Variants in CEP128 observed in about 807,000 individuals in gnomAD.
The protein encoded by CEP128 is centrosomal protein 128.
CEP128 carries 132 observed loss-of-function variants against 156.7 expected under a neutral mutation model. The ratio of observed to expected loss-of-function variants is 0.84; its 90% confidence interval spans 0.73 to 0.97. The LOEUF (loss-of-function observed/expected upper bound fraction) is 0.97, where lower values mean the gene tolerates loss of function less well. CEP128 is among the 50% of genes least tolerant of loss of function. The probability of loss-of-function intolerance (pLI) is 0.00; values close to 1 mark genes in which losing one functional copy is unlikely to be tolerated. For missense variants in CEP128, 1,252 were observed against 1,281.9 expected (o/e 0.98, Z 0.36); for synonymous variants, 469 against 448.9 (o/e 1.04, Z -0.57).
chr14:80,669,821 T>C (rs557480690), intron 19 of CEP128, among the ~76,000 whole-genome samples: 1 of 152,312 alleles, frequency 6.6e-6, no homozygotes, highest in African/African-American at 2.4e-5. Context: ...CTGTATGCCA[T>C]TCTTGCATGG....
intron 19 of CEP128, among the ~76,000 whole-genome samples, chr14:80,585,844 C>A (rs1478660926): frequency 2.0e-5 from 3 of 152,090 alleles, no homozygotes; most frequent in African/African-American, 4.8e-5. Flanking sequence ...TATTTGTGAA[C>A]AGATTCATAT....
chr14:80,751,786 C>T (rs548456980), intron 18 of CEP128, among the ~76,000 whole-genome samples: 26 of 152,008 alleles, frequency 1.7e-4, no homozygotes, highest in African/African-American at 3.4e-4. Flanking sequence ...CCCGCTACCA[C>T]GCCTGGCTAA....
intron 19 of CEP128, among the ~76,000 whole-genome samples, chr14:80,647,021 A>G (rs920530606): frequency 7.8e-5 from 10 of 128,222 alleles, no homozygotes; most frequent in African/African-American, 2.5e-4. Flanking sequence ...ATGTGTGTGT[A>G]TATATATGTG....
At chr14:80,573,967 G>A (rs1483162554) in intron 20 of CEP128, among the ~76,000 whole-genome samples, 1 of 152,190 alleles carries the variant, frequency 6.6e-6, no homozygotes, top group East Asian at 1.9e-4. Flanking sequence ...ATAGAGATAC[G>A]CAGTTATTTG....
intron 19 of CEP128, among the ~76,000 whole-genome samples, chr14:80,735,825 C>T (rs1450073645): frequency 6.6e-6 from 1 of 152,026 alleles, no homozygotes; most frequent in Non-Finnish European, 1.5e-5. Context: ...GGTTCATGGT[C>T]CCCCTCTTCC....
chr14:80,541,845 T>C (rs189098075), intron 21 of CEP128, among the ~76,000 whole-genome samples: 31 of 152,338 alleles, frequency 2.0e-4, no homozygotes, highest in Non-Finnish European at 1.5e-4. Flanking sequence ...TCCTGTAACA[T>C]GACAGTTAAG....
intron 13 of CEP128, among the ~76,000 whole-genome samples, chr14:80,811,818 T>TTAGATAGATAGATAGA (rs61046137): frequency 0.34 from 51,227 of 149,410 alleles, 8,990 homozygotes; most frequent in Non-Finnish European, 0.37. Context: ...CACGCATGTA[T>TTAGATAGATAGATAGA]TAGATAGATA....
chr14:80,649,627 C>T (rs1894808914), intron 19 of CEP128, among the ~76,000 whole-genome samples: 1 of 151,998 alleles, frequency 6.6e-6, no homozygotes, highest in Non-Finnish European at 1.5e-5. Context: ...AACTCAGAAT[C>T]TCTTAGGAAT....
At chr14:80,741,985 C>T (rs1279750649) in intron 19 of CEP128, among the ~76,000 whole-genome samples, 1 of 152,120 alleles carries the variant, frequency 6.6e-6, no homozygotes, top group Admixed American at 6.6e-5. Flanking sequence ...CTAAAAATGT[C>T]CCCACAGGGA....
At chr14:80,779,540 C>T (rs1357828157) in intron 15 of CEP128, among the ~76,000 whole-genome samples, 1 of 152,038 alleles carries the variant, frequency 6.6e-6, no homozygotes, top group East Asian at 1.9e-4. Context: ...CAAAGAATTC[C>T]CCCTAAAGTC....
intron 19 of CEP128, among the ~76,000 whole-genome samples, chr14:80,672,384 A>G (rs1895879699): frequency 6.6e-6 from 1 of 151,946 alleles, no homozygotes; most frequent in African/African-American, 2.4e-5. Context: ...TGCTGATGCT[A>G]TATTCAGTAT....
At chr14:80,680,051 G>C (rs1896256732) in intron 19 of CEP128, among the ~76,000 whole-genome samples, 1 of 152,208 alleles carries the variant, frequency 6.6e-6, no homozygotes, top group African/African-American at 2.4e-5. Context: ...TTTTAGTCTT[G>C]AGCCAGAGAT....
chr14:80,722,263 G>A (rs748966851), intron 19 of CEP128, among the ~76,000 whole-genome samples: 1 of 152,086 alleles, frequency 6.6e-6, no homozygotes, highest in African/African-American at 2.4e-5. Flanking sequence ...AACACCCAGC[G>A]TCATGCCATG....
At chr14:80,853,903 TC>T (rs1246538485) in intron 9 of CEP128, among the ~76,000 whole-genome samples, 2 of 151,816 alleles carry the variant, frequency 1.3e-5, no homozygotes, top group African/African-American at 2.4e-5. Context: ...CAATTTTTAT[TC>T]AAAAATGATG....
chr14:80,494,499 T>C (rs1050218532), downstream of CEP128, among the ~76,000 whole-genome samples: 12 of 152,212 alleles, frequency 7.9e-5, no homozygotes, highest in African/African-American at 2.7e-4. Context: ...AAAAAGAGTT[T>C]GCTAAGTAAA....
At chr14:80,566,706 T>C (rs1324458835) in intron 20 of CEP128, among the ~76,000 whole-genome samples, 1 of 152,242 alleles carries the variant, frequency 6.6e-6, no homozygotes, top group African/African-American at 2.4e-5. Context: ...TTGGAGCAGC[T>C]TGCACTGGTT....
chr14:80,615,027 A>G (rs1893152852), intron 19 of CEP128, among the ~76,000 whole-genome samples: 1 of 152,232 alleles, frequency 6.6e-6, no homozygotes, highest in African/African-American at 2.4e-5. Flanking sequence ...TCAGTGACTC[A>G]CATATAATAA....
chr14:80,948,294 A>G (rs1886389659), intron 2 of CEP128, among the ~76,000 whole-genome samples: 1 of 152,154 alleles, frequency 6.6e-6, no homozygotes, highest in African/African-American at 2.4e-5. Context: ...ATTGCCTACT[A>G]CTCAAAGAAT....
chr14:80,533,590 G>A (rs1889333326), intron 21 of CEP128, among the ~76,000 whole-genome samples: 2 of 152,056 alleles, frequency 1.3e-5, no homozygotes, highest in African/African-American at 4.8e-5. Context: ...AAACGGCTAT[G>A]TTTTTGTGAG....
Sources: gnomAD v4.1 joint callset for allele counts (sites outside exome capture counted in the v4.1 genomes callset) on GRCh38, gnomAD v4.1.1 for gene constraint, MANE v1.5 for transcripts, NCBI Gene and HGNC (gene_info 2026-07-23, HGNC 2026-07-21) for gene names.